The following UBE2E2 variants were observed in gnomAD, a reference collection of about 807,000 sequenced individuals.
UBE2E2 encodes ubiquitin-conjugating enzyme E2 E2.
A neutral mutation model predicts 24.7 loss-of-function variants in UBE2E2; 6 were observed. The observed-to-expected ratio is 0.24, with a 90% CI of 0.13 to 0.48. UBE2E2 has a LOEUF of 0.48. Ranked by LOEUF, UBE2E2 falls within the 20% of genes least tolerant of loss-of-function variation. UBE2E2 has a pLI of 0.99. For synonymous variants in UBE2E2, 104 were observed against 83.6 expected, an observed-to-expected ratio of 1.24 and a Z score of -1.33; for missense variants, 169 against 245.0, an observed-to-expected ratio of 0.69 and a Z score of 2.07.
chr3:23,342,163 T>A, intron 3 of UBE2E2, among the ~76,000 whole-genome samples: 1 of 151,562 alleles, frequency 6.6e-6, no homozygotes, highest in East Asian at 1.9e-4. Flanking sequence ...TTAAGCATTA[T>A]GGGGGGTACT....
chr3:23,417,753 C>T (rs1227236053), intron 3 of UBE2E2, among the ~76,000 whole-genome samples: 2 of 152,190 alleles, frequency 1.3e-5, no homozygotes, highest in Admixed American at 6.5e-5. Context: ...GATGCCCTGC[C>T]CCAGAAAGGA....
At chr3:23,415,007 T>A (rs1279670587) in intron 3 of UBE2E2, among the ~76,000 whole-genome samples, 3 of 152,202 alleles carry the variant, frequency 2.0e-5, no homozygotes, top group East Asian at 1.9e-4. Context: ...ATGAAGACTT[T>A]CATGATTTTG....
chr3:23,544,333 T>A (rs1394963727), intron 5 of UBE2E2, among the ~76,000 whole-genome samples: 1 of 152,014 alleles, frequency 6.6e-6, no homozygotes, highest in Non-Finnish European at 1.5e-5. Context: ...ATATCCAGAA[T>A]CTACAAGGAA....
At chr3:23,496,353 G>A (rs1254879961) in intron 3 of UBE2E2, among the ~76,000 whole-genome samples, 1 of 152,104 alleles carries the variant, frequency 6.6e-6, no homozygotes, top group Non-Finnish European at 1.5e-5. Context: ...CACACACTGA[G>A]AAGTGAAACA....
At chr3:23,354,960 C>G (rs1158987517) in intron 3 of UBE2E2, among the ~76,000 whole-genome samples, 2 of 151,888 alleles carry the variant, frequency 1.3e-5, no homozygotes, top group East Asian at 1.9e-4. Context: ...TTCACAATAG[C>G]AAAGACTTGG....
rs1042075938 is a variant in UBE2E2 at position 23,407,579 on chromosome 3, A to T, written c.228-92029A>T. ...TTATCTCCTCTGCGCCCCTCCCTCT[A>T]CTTTTTATGGTTTGTATGTTTGTTT... On this transcript the variant is annotated intron_variant, in intron 3 of 5. Coordinates refer to ENST00000396703, the MANE Select transcript of UBE2E2 (RefSeq NM_152653.4). The surrounding 1 kb of genome is among the most constrained non-coding windows in gnomAD (Gnocchi z 4.0). Among the ~76,000 whole-genome samples, 2 of 147,144 alleles carry T rather than the reference A, an allele frequency of 1.4e-5. No individual in the cohort carries two copies. Among genetic ancestry groups the T allele is most frequent in the African/African-American group, 5.1e-5 (2 of 39,498 alleles).
chr3:23,588,130 A>C (rs1559431388), intron 5 of UBE2E2, among the ~76,000 whole-genome samples: 1 of 152,194 alleles, frequency 6.6e-6, no homozygotes, highest in African/African-American at 2.4e-5. Context: ...GATCTTCCCA[A>C]GTTGCCGGTG....
At chr3:23,542,838 AT>A (rs1695423256) in intron 5 of UBE2E2, among the ~76,000 whole-genome samples, 2 of 152,186 alleles carry the variant, frequency 1.3e-5, no homozygotes. Flanking sequence ...CTTGGTGTAA[AT>A]TTAGACACGT....
intron 3 of UBE2E2, among the ~76,000 whole-genome samples, chr3:23,300,214 T>G (rs1438588015): frequency 1.3e-5 from 2 of 152,096 alleles, no homozygotes; most frequent in East Asian, 1.9e-4. Flanking sequence ...TACAGCACAC[T>G]GGTGGGTCTT....
chr3:23,227,188 A>C (rs1337350668), intron 3 of UBE2E2, among the ~76,000 whole-genome samples: 1 of 152,158 alleles, frequency 6.6e-6, no homozygotes, highest in Admixed American at 6.6e-5. Flanking sequence ...CTCTTTATTT[A>C]GTTTGGCTGC....
intron 5 of UBE2E2, among the ~76,000 whole-genome samples, chr3:23,585,627 CAAAA>C (rs1343175983): frequency 6.6e-6 from 1 of 152,044 alleles, no homozygotes; most frequent in Non-Finnish European, 1.5e-5. Context: ...AATTTTTGAA[CAAAA>C]ACAGAAAATG....
At chr3:23,554,502 A>G (rs1695726447) in intron 5 of UBE2E2, among the ~76,000 whole-genome samples, 1 of 152,068 alleles carries the variant, frequency 6.6e-6, no homozygotes, top group Non-Finnish European at 1.5e-5. Context: ...ACAGAGCAAG[A>G]CCCTCTCTCT....
At chr3:23,379,234 A>G (rs1184926587) in intron 3 of UBE2E2, among the ~76,000 whole-genome samples, 2 of 122,024 alleles carry the variant, frequency 1.6e-5, no homozygotes, top group Non-Finnish European at 3.5e-5. Context: ...GTATTTATTT[A>G]TTTTTTTATT....
rs558708026 is a variant in UBE2E2, at chr3:23,292,110, G to A, written c.227+74798G>A. Among the ~76,000 whole-genome samples the A allele has an allele frequency of 3.3e-5, 5 of 152,000 alleles. No individual in the cohort carries two copies. The South Asian group carries it at 8.3e-4, about 25-fold the overall frequency. On this transcript the variant is annotated intron_variant, in intron 3 of 5. Transcript: ENST00000396703. The stretch of plus-strand genomic sequence containing the variant: ...CCTGACCTCGTGATTCGCTCACCTT[G>A]GCCTCCCAAAGTGCTGAGATTACAG...
At chr3:23,566,085 C>G (rs1398006602) in intron 5 of UBE2E2, among the ~76,000 whole-genome samples, 1 of 152,148 alleles carries the variant, frequency 6.6e-6, no homozygotes, top group East Asian at 1.9e-4. Context: ...TGTATTTTCC[C>G]TTTTTTGCAG....
At chr3:23,332,675 GT>G (rs560841965) in intron 3 of UBE2E2, among the ~76,000 whole-genome samples, 5,774 of 106,508 alleles carry the variant, frequency 0.054, 404 homozygotes, top group African/African-American at 0.19. Flanking sequence ...AGCCAGTGGG[GT>G]GTGTGTGTGT....
intron 3 of UBE2E2, among the ~76,000 whole-genome samples, chr3:23,238,860 G>GT (rs542790150): frequency 6.6e-6 from 1 of 152,148 alleles, no homozygotes; most frequent in South Asian, 2.1e-4. Context: ...TTTCCCACTT[G>GT]TGGCATCATG....
At chr3:23,473,966 T>G (rs1699077140) in intron 3 of UBE2E2, among the ~76,000 whole-genome samples, 1 of 152,110 alleles carries the variant, frequency 6.6e-6, no homozygotes, top group African/African-American at 2.4e-5. Context: ...TTTAGTTCTT[T>G]AAGGAACCTC....
intron 3 of UBE2E2, among the ~76,000 whole-genome samples, chr3:23,267,750 C>A (rs1382003379): frequency 1.3e-5 from 2 of 150,080 alleles, no homozygotes; most frequent in Non-Finnish European, 3.0e-5. Context: ...GAGACACAAC[C>A]AAAAAAGAGA....
Sources: allele counts gnomAD v4.1 joint callset (sites outside exome capture counted in the v4.1 genomes callset), GRCh38; gene constraint gnomAD v4.1.1; non-coding constraint Gnocchi (gnomAD v3.1); transcripts MANE v1.5; gene names NCBI Gene and HGNC (gene_info 2026-07-23, HGNC 2026-07-21).